Variants in PTCHD4 observed in about 807,000 individuals in gnomAD.
The protein encoded by PTCHD4 is patched domain-containing protein 4.
In PTCHD4, 33 loss-of-function variants were observed where a neutral mutation model predicts 58.1. The observed-to-expected ratio is 0.57, with a 90% CI of 0.43 to 0.76. The LOEUF is 0.76. Among genes scored for constraint, PTCHD4 ranks in the 30% least tolerant of loss-of-function variants. The pLI, the probability that PTCHD4 is intolerant of heterozygous loss-of-function variation, is 0.00. For synonymous variants in PTCHD4, 478 were observed against 409.6 expected, an observed-to-expected ratio of 1.17 and a Z score of -2.02; for missense variants, 1,058 against 1,027.1, an observed-to-expected ratio of 1.03 and a Z score of -0.41.
intron 1 of PTCHD4, among the ~76,000 whole-genome samples, chr6:48,103,908 A>T (rs1765661646): frequency 6.6e-6 from 1 of 152,216 alleles, no homozygotes; most frequent in Non-Finnish European, 1.5e-5. Context: ...AGGAAAAAGA[A>T]TAAAAAGAAA....
chr6:48,065,062 A>C (rs557185150), intron 3 of PTCHD4, among the ~76,000 whole-genome samples: 1 of 152,128 alleles, frequency 6.6e-6, no homozygotes, highest in Non-Finnish European at 1.5e-5. Context: ...CACCTTGTCA[A>C]CATAATCATG....
chr6:47,889,839 A>C (rs9357561), intron 4 of PTCHD4, among the ~76,000 whole-genome samples: 95,394 of 149,384 alleles, frequency 0.64, 31,497 homozygotes, highest in East Asian at 0.78. Flanking sequence ...GCAACAAAAG[A>C]CAAAATTGAC....
intron 4 of PTCHD4, among the ~76,000 whole-genome samples, chr6:47,965,304 C>T (rs529314367): frequency 1.5e-4 from 23 of 152,186 alleles, no homozygotes; most frequent in African/African-American, 4.3e-4. Flanking sequence ...GACAAAGTTG[C>T]GAAAATATCA....
At chr6:47,946,442 C>T (rs764649366) in intron 4 of PTCHD4, among the ~76,000 whole-genome samples, 2 of 152,072 alleles carry the variant, frequency 1.3e-5, no homozygotes, top group African/African-American at 2.4e-5. Flanking sequence ...TGTAAGGATC[C>T]TCTTTATCTC....
chr6:48,045,280 C>T (rs886787738), intron 3 of PTCHD4, among the ~76,000 whole-genome samples: 2 of 151,790 alleles, frequency 1.3e-5, no homozygotes, highest in South Asian at 4.1e-4. Flanking sequence ...TTTTCTTTGG[C>T]CTAATCCTTT....
rs1439456388 is a variant in PTCHD4, at chr6:47,876,685, T to C, written c.*1618A>G. Among the ~76,000 whole-genome samples the C allele has an allele frequency of 1.3e-5, 2 of 152,014 alleles. No individual in the cohort carries two copies. Among genetic ancestry groups the C allele is most frequent in the Admixed American group, 1.3e-4 (2 of 15,242 alleles). On this transcript the variant is annotated 3_prime_UTR_variant, in exon 5 of 5. Transcript: ENST00000339488. ...CTAGGTAAAAGAGCTTACTAGCAGATTTTATAATCATCGGACATTTATTCT... is the reference window on the plus strand; with the variant it reads ...CTAGGTAAAAGAGCTTACTAGCAGACTTTATAATCATCGGACATTTATTCT...
At chr6:48,002,892 A>C (rs1375151442) in intron 4 of PTCHD4, among the ~76,000 whole-genome samples, 1 of 152,054 alleles carries the variant, frequency 6.6e-6, no homozygotes, top group Non-Finnish European at 1.5e-5. Context: ...GTCACCAATG[A>C]CTTCTATATT....
rs1199324922 is a variant in PTCHD4, at chr6:47,864,427, T to C, written c.*13876A>G. ...TTTCTCTTTGCATTTACTCTCTATG[T>C]GTCTGGCACATAGAAGATGTTTAAA... is the stretch of plus-strand genomic sequence containing the variant. On this transcript the variant is annotated 3_prime_UTR_variant, in exon 5 of 5. Transcript: ENST00000339488. Among the ~76,000 whole-genome samples the C allele has an allele frequency of 1.3e-5, 2 of 151,962 alleles. No individual in the cohort carries two copies. The highest frequency in any genetic ancestry group is 2.9e-5 in the Non-Finnish European group (2 of 67,918).
chr6:47,929,068 A>C (rs1048704641), intron 4 of PTCHD4, among the ~76,000 whole-genome samples: 3 of 152,210 alleles, frequency 2.0e-5, no homozygotes, highest in Non-Finnish European at 2.9e-5. Flanking sequence ...CTATTATTAT[A>C]AAAATCATAC....
chr6:47,961,262 T>C (rs1310606010), intron 4 of PTCHD4, among the ~76,000 whole-genome samples: 1 of 152,046 alleles, frequency 6.6e-6, no homozygotes, highest in Non-Finnish European at 1.5e-5. Flanking sequence ...AAATTGTTTG[T>C]ATTAATATTT....
chr6:48,066,273 C>T (rs753879337), intron 3 of PTCHD4, among the ~76,000 whole-genome samples: 1 of 151,960 alleles, frequency 6.6e-6, no homozygotes, highest in South Asian at 2.1e-4. Context: ...AAACTGAATA[C>T]CTCAGGGATT....
chr6:47,954,904 C>T (rs936108603), intron 4 of PTCHD4, among the ~76,000 whole-genome samples: 1 of 152,098 alleles, frequency 6.6e-6, no homozygotes, highest in Non-Finnish European at 1.5e-5. Flanking sequence ...TGGCTTCCAC[C>T]CAGCTTGCTC....
intron 3 of PTCHD4, among the ~76,000 whole-genome samples, chr6:48,039,071 A>G (rs1195279486): frequency 2.6e-5 from 4 of 152,186 alleles, no homozygotes; most frequent in Non-Finnish European, 4.4e-5. Flanking sequence ...AAATTTTAGC[A>G]TACATGCACT....
intron 3 of PTCHD4, among the ~76,000 whole-genome samples, chr6:48,019,725 G>C (rs1465825848): frequency 6.9e-6 from 1 of 145,398 alleles, no homozygotes; most frequent in Non-Finnish European, 1.5e-5. Flanking sequence ...GGCAGAGCGA[G>C]ACTCCGTCTC....
At chr6:48,109,351 A>C (rs976210071) in intron 1 of PTCHD4, among the ~76,000 whole-genome samples, 21 of 152,246 alleles carry the variant, frequency 1.4e-4, no homozygotes, top group Admixed American at 4.6e-4. Context: ...AAAATCATCA[A>C]ATTAAATTTC....
intron 4 of PTCHD4, among the ~76,000 whole-genome samples, chr6:47,907,741 TG>T (rs1764942397): frequency 6.6e-6 from 1 of 152,162 alleles, no homozygotes; most frequent in Admixed American, 6.5e-5. Flanking sequence ...TGCCTACCTC[TG>T]TTCCCCTGTG....
intron 4 of PTCHD4, among the ~76,000 whole-genome samples, chr6:47,882,943 G>A (rs1431362100): frequency 6.6e-6 from 1 of 151,346 alleles, no homozygotes; most frequent in Non-Finnish European, 1.5e-5. Flanking sequence ...TAAAGTGATA[G>A]ATGCCCAAAA....
chr6:47,887,895 A>G (rs1028687417), intron 4 of PTCHD4, among the ~76,000 whole-genome samples: 29 of 152,174 alleles, frequency 1.9e-4, no homozygotes, highest in African/African-American at 6.8e-4. Context: ...GGGGGTGTTT[A>G]ACAGGAATTC....
intron 4 of PTCHD4, among the ~76,000 whole-genome samples, chr6:47,888,790 A>T (rs1354685834): frequency 1.5e-5 from 2 of 136,524 alleles, no homozygotes; most frequent in Admixed American, 1.5e-4. Flanking sequence ...TATATCTCCC[A>T]ATGCTATCCC....
Sources: gnomAD v4.1 joint callset for allele counts (sites outside exome capture counted in the v4.1 genomes callset) on GRCh38, gnomAD v4.1.1 for gene constraint, MANE v1.5 for transcripts, NCBI Gene and HGNC (gene_info 2026-07-23, HGNC 2026-07-21) for gene names.